PTPRK: variants seen among roughly 807,000 people sequenced by gnomAD.
The protein encoded by PTPRK is protein tyrosine phosphatase receptor type K.
A neutral mutation model predicts 178.0 loss-of-function variants in PTPRK; 75 were observed. The ratio of observed to expected loss-of-function variants is 0.42; its 90% CI spans 0.35 to 0.51. PTPRK has a LOEUF of 0.51. Ranked by LOEUF, PTPRK falls within the 20% of genes least tolerant of loss-of-function variation. The pLI is 0.02. For synonymous variants in PTPRK, 637 were observed against 620.6 expected (o/e 1.03, Z -0.39); for missense variants, 1,441 against 1,797.8 (o/e 0.80, Z 3.59).
chr6:128,349,108 C>T (rs898032266), intron 2 of PTPRK, among the ~76,000 whole-genome samples: 1 of 151,854 alleles, frequency 6.6e-6, no homozygotes, highest in African/African-American at 2.4e-5. Context: ...GACAAAATTC[C>T]CAAGAGAAAC....
At chr6:127,979,971 G>A (rs1775094832) in intron 25 of PTPRK, among the ~76,000 whole-genome samples, 2 of 152,264 alleles carry the variant, frequency 1.3e-5, no homozygotes, top group South Asian at 2.1e-4. Context: ...GAGGTCAGGA[G>A]TTTGAGACCA....
chr6:128,289,707 C>T (rs895135996), intron 3 of PTPRK, among the ~76,000 whole-genome samples: 6 of 151,902 alleles, frequency 3.9e-5, no homozygotes, highest in African/African-American at 7.3e-5. Flanking sequence ...CCTTTGCCAC[C>T]GTAATATACT....
intron 7 of PTPRK, among the ~76,000 whole-genome samples, chr6:128,155,092 CATTAT>C (rs1468142651): frequency 2.6e-5 from 4 of 151,676 alleles, no homozygotes; most frequent in Non-Finnish European, 4.4e-5. Flanking sequence ...AATATTTATA[CATTAT>C]ATAATAGAAA....
intron 5 of PTPRK, among the ~76,000 whole-genome samples, chr6:128,232,961 G>A (rs1403977388): frequency 6.6e-6 from 1 of 152,152 alleles, no homozygotes; most frequent in Non-Finnish European, 1.5e-5. Context: ...TAATCAAGTT[G>A]ACTTTAAAAA....
intron 3 of PTPRK, among the ~76,000 whole-genome samples, chr6:128,274,223 G>A (rs1383115354): frequency 1.3e-5 from 2 of 152,064 alleles, no homozygotes; most frequent in Non-Finnish European, 2.9e-5. Context: ...AATTATTGTT[G>A]CTTTGTTGTT....
intron 1 of PTPRK, among the ~76,000 whole-genome samples, chr6:128,449,486 C>T (rs558114056): frequency 2.0e-5 from 3 of 152,062 alleles, no homozygotes; most frequent in Non-Finnish European, 4.4e-5. Flanking sequence ...TTCAATGTTG[C>T]TTTTTTCTCC....
intron 12 of PTPRK, 123 bp downstream of exon 12, chr6:128,067,396 C>T: frequency 8.9e-7 from 1 of 1,120,062 alleles, no homozygotes; most frequent in Non-Finnish European, 1.2e-6. Context: ...GAGAACAGAA[C>T]CCCCTACATG....
At chr6:128,159,551 G>A (rs1214450879) in intron 7 of PTPRK, among the ~76,000 whole-genome samples, 1 of 151,594 alleles carries the variant, frequency 6.6e-6, no homozygotes, top group Non-Finnish European at 1.5e-5. Flanking sequence ...TGAAAGTTGT[G>A]GAAAACCCAT....
rs1391177851 is a variant in PTPRK at position 128,258,925 on chromosome 6, G to A, written c.496-16323C>T. Among the ~76,000 whole-genome samples the A allele has an allele frequency of 2.6e-5, 4 of 152,274 alleles. No individual in the cohort carries two copies. The East Asian group carries it at 7.7e-4, about 29-fold the overall frequency. On this transcript the variant is annotated intron_variant, in intron 3 of 29. Coordinates refer to ENST00000368226, the MANE Select transcript of PTPRK (RefSeq NM_002844.4). ...TTAACGTGGAGCTAGCCAATAACTG[G>A]ATTTGGATTTTATTGACTCCATTGA...
intron 19 of PTPRK, among the ~76,000 whole-genome samples, chr6:127,992,039 C>T (rs1288712358): frequency 6.6e-6 from 1 of 151,628 alleles, no homozygotes; most frequent in Non-Finnish European, 1.5e-5. Flanking sequence ...TTTTACTTTC[C>T]TTTTATATAA....
rs771408955 is a variant in PTPRK, at chr6:128,089,948, C to A, written c.1207G>T (p.Ala403Ser). Residue 403 changes from alanine to serine, a missense_variant, in exon 8 of 30, where the codon GCA becomes TCA. Transcript: ENST00000368226. ...PKTLKIAEIQ[A>S]RRIAVDWESL... ...TCCCAGTCCACAGCAATCCGTCTTG[C>A]CTGTATTTCAGCAATCTTTAATGTC... 4.3e-6 allele frequency: 7 copies of A among 1,611,606 alleles called. No individual in the cohort carries two copies. Among genetic ancestry groups the A allele is most frequent in the Non-Finnish European group, 5.9e-6 (7 of 1,177,744 alleles).
intron 2 of PTPRK, among the ~76,000 whole-genome samples, chr6:128,376,928 T>G (rs986732756): frequency 6.6e-6 from 1 of 152,188 alleles, no homozygotes; most frequent in African/African-American, 2.4e-5. Context: ...CTGAGACCAC[T>G]TCAGTCTGGA....
intron 12 of PTPRK, among the ~76,000 whole-genome samples, chr6:128,066,371 T>C (rs1449088630): frequency 1.3e-5 from 2 of 152,164 alleles, no homozygotes; most frequent in Non-Finnish European, 2.9e-5. Context: ...CTGTGGCCTT[T>C]TTCTTTGCTA....
At chr6:128,160,408 C>CGAGAT (rs1562699341) in intron 7 of PTPRK, among the ~76,000 whole-genome samples, 1 of 151,570 alleles carries the variant, frequency 6.6e-6, no homozygotes, top group African/African-American at 2.4e-5. Flanking sequence ...TTCAAAAACA[C>CGAGAT]GAGATATACT....
Position 128,015,216 on chromosome 6 carries a change from A to C in PTPRK, c.2195-5948T>G, listed in dbSNP as rs138718672. 9.1e-3 allele frequency among the ~76,000 whole-genome samples: 1,384 copies of C among 151,888 alleles called. 23 individuals carry two copies. Among genetic ancestry groups the C allele is most frequent in the African/African-American group, 0.031 (1,294 of 41,512 alleles). ...GAAGTGACAGAAATACTTTTTAAGA[A>C]AGCAATAAAATAAGTATATTTTAGG... On this transcript the variant is annotated intron_variant, in intron 13 of 29. Transcript: ENST00000368226.
chr6:128,394,534 TA>T (rs1271737546), intron 2 of PTPRK, among the ~76,000 whole-genome samples: 3 of 152,252 alleles, frequency 2.0e-5, no homozygotes, highest in Non-Finnish European at 2.9e-5. Context: ...CACTGTGTTT[TA>T]AATATGCATT....
At chr6:127,978,177 T>C (rs150498486) in intron 25 of PTPRK, among the ~76,000 whole-genome samples, 59 of 152,326 alleles carry the variant, frequency 3.9e-4, no homozygotes, top group African/African-American at 1.4e-3. Context: ...AAGTTACACG[T>C]GCAGCTGGGA....
chr6:128,209,534 C>T (rs980655532), intron 6 of PTPRK, among the ~76,000 whole-genome samples: 1 of 147,246 alleles, frequency 6.8e-6, no homozygotes, highest in African/African-American at 2.5e-5. Context: ...AAGGCAGCCA[C>T]GAGGCTGCCC....
chr6:128,248,490 T>C (rs370754143), intron 3 of PTPRK, among the ~76,000 whole-genome samples: 3 of 152,122 alleles, frequency 2.0e-5, no homozygotes, highest in East Asian at 3.9e-4. Context: ...TTTAAGTATA[T>C]AGAACTACAA....
Sources: gnomAD v4.1 joint callset for allele counts (sites outside exome capture counted in the v4.1 genomes callset) on GRCh38, gnomAD v4.1.1 for gene constraint, MANE v1.5 for transcripts, NCBI Gene and HGNC (gene_info 2026-07-23, HGNC 2026-07-21) for gene names.